Variants in GABRB2 observed in about 807,000 individuals in gnomAD.
GABRB2 encodes the protein gamma-aminobutyric acid type A receptor subunit beta2, also known as gamma-aminobutyric acid receptor subunit beta-2.
Under a neutral mutation model 54.7 loss-of-function variants are expected in GABRB2, and 16 were observed. That is an observed-to-expected ratio of 0.29 (90% CI 0.20 to 0.44). GABRB2 has a LOEUF of 0.44. GABRB2 is among the 20% of genes least tolerant of loss of function. The pLI is 1.00. For synonymous variants in GABRB2, 244 were observed against 233.8 expected, an observed-to-expected ratio of 1.04 and a Z score of -0.40; for missense variants, 355 against 644.0, an observed-to-expected ratio of 0.55 and a Z score of 4.86.
chr5:161,300,592 G>T (rs551603536), intron 9 of GABRB2, among the ~76,000 whole-genome samples: 1 of 152,206 alleles, frequency 6.6e-6, no homozygotes, highest in Non-Finnish European at 1.5e-5. Flanking sequence ...GACTCAGGTA[G>T]TGGTTTGGTG....
intron 1 of GABRB2, 55 bp from the exon 2 acceptor site, chr5:161,546,468 T>C: frequency 6.3e-7 from 1 of 1,581,526 alleles, no homozygotes; most frequent in Non-Finnish European, 8.7e-7. Context: ...GCATAGCGTT[T>C]TCAGCATCGG....
In GABRB2 at chr5:161,363,792, A is replaced by T. The variant is rs572491033; in HGVS notation, c.542-27023T>A. 5.9e-5 allele frequency among the ~76,000 whole-genome samples: 9 copies of T among 152,386 alleles called. No individual in the cohort carries two copies. In the East Asian group the frequency reaches 1.7e-3, roughly 29 times the overall value. On this transcript the variant is annotated intron_variant, in intron 5 of 9. Transcript: ENST00000393959. ...ACTATATTTACAAATAAGGCTGGAT[A>T]GAACATTAGGAACAGTTAGTTTCCT...
At chr5:161,482,716 A>G (rs1758800880) in intron 3 of GABRB2, among the ~76,000 whole-genome samples, 1 of 152,118 alleles carries the variant, frequency 6.6e-6, no homozygotes, top group African/African-American at 2.4e-5. Flanking sequence ...CCATAGATGA[A>G]GTCTGCTATA....
At chr5:161,507,931 A>G (rs931165079) in intron 3 of GABRB2, among the ~76,000 whole-genome samples, 2 of 152,036 alleles carry the variant, frequency 1.3e-5, no homozygotes, top group South Asian at 2.1e-4. Context: ...CATTTTGAAG[A>G]ACAGTTTGGC....
intron 3 of GABRB2, among the ~76,000 whole-genome samples, chr5:161,544,813 C>T (rs1403122276): frequency 6.6e-6 from 1 of 152,026 alleles, no homozygotes; most frequent in Non-Finnish European, 1.5e-5. Flanking sequence ...ATTCCAGGGC[C>T]TTTATTAGTT....
At position 161,525,284 on chromosome 5, in the gene GABRB2, A is replaced by T. The variant is rs181119431; in HGVS notation, c.237+19943T>A. Among the ~76,000 whole-genome samples the T allele has an allele frequency of 1.4e-3, 219 of 151,512 alleles. 1 individual carries two copies. Among genetic ancestry groups the T allele is most frequent in the African/African-American group, 5.1e-3 (210 of 41,492 alleles). On this transcript the variant is annotated intron_variant, in intron 3 of 9. Coordinates refer to ENST00000393959, the MANE Select transcript of GABRB2 (RefSeq NM_001371727.1). ...CACGAGTTAAATAGAGATAAGCATG[A>T]TCATCAAGATCATTGTTCCCTGAAT...
At chr5:161,479,878 G>T (rs529921995) in intron 3 of GABRB2, among the ~76,000 whole-genome samples, 2 of 151,934 alleles carry the variant, frequency 1.3e-5, no homozygotes, top group African/African-American at 4.8e-5. Context: ...GTGAGTCACC[G>T]CACCCAGCTG....
At chr5:161,484,126 A>G (rs1298416848) in intron 3 of GABRB2, among the ~76,000 whole-genome samples, 1 of 151,948 alleles carries the variant, frequency 6.6e-6, no homozygotes. Flanking sequence ...TCTGATTGAC[A>G]CTATGCCTAT....
intron 9 of GABRB2, among the ~76,000 whole-genome samples, chr5:161,324,699 GTTATTT>G (rs1413084472): frequency 1.3e-5 from 2 of 152,122 alleles, no homozygotes; most frequent in African/African-American, 4.8e-5. Flanking sequence ...TAGAAAGCTT[GTTATTT>G]GAACTTTCAA....
intron 3 of GABRB2, among the ~76,000 whole-genome samples, chr5:161,477,424 T>C (rs1335412466): frequency 6.6e-6 from 1 of 151,806 alleles, no homozygotes; most frequent in Non-Finnish European, 1.5e-5. Flanking sequence ...AAAAATAGAA[T>C]TGCTATACAA....
intron 4 of GABRB2, among the ~76,000 whole-genome samples, chr5:161,439,125 G>A (rs1757390060): frequency 6.6e-6 from 1 of 152,010 alleles, no homozygotes; most frequent in Non-Finnish European, 1.5e-5. Context: ...CAAAGGTCAA[G>A]GATAAATAAA....
At chr5:161,456,336 GACCTAATAATGC>G (rs1488592442) in intron 4 of GABRB2, among the ~76,000 whole-genome samples, 6 of 152,120 alleles carry the variant, frequency 3.9e-5, no homozygotes, top group Non-Finnish European at 7.4e-5. Context: ...TGAACCACAG[GACCTAATAATGC>G]ACCTTTCATA....
At chr5:161,490,753 A>G in intron 3 of GABRB2, among the ~76,000 whole-genome samples, 1 of 151,892 alleles carries the variant, frequency 6.6e-6, no homozygotes, top group East Asian at 1.9e-4. Flanking sequence ...GGAGTTAATA[A>G]AAACACGTAA....
intron 3 of GABRB2, among the ~76,000 whole-genome samples, chr5:161,495,328 A>T (rs192509697): frequency 6.6e-6 from 1 of 152,170 alleles, no homozygotes; most frequent in African/African-American, 2.4e-5. Flanking sequence ...TAACAATAAT[A>T]TACAAAAAAT....
chr5:161,506,043 T>C (rs1759595976), intron 3 of GABRB2, among the ~76,000 whole-genome samples: 3 of 152,018 alleles, frequency 2.0e-5, no homozygotes. Context: ...TGTGTATATA[T>C]ATATATGTAT....
intron 5 of GABRB2, among the ~76,000 whole-genome samples, chr5:161,371,719 G>T (rs895542867): frequency 6.6e-6 from 1 of 151,820 alleles, no homozygotes; most frequent in Non-Finnish European, 1.5e-5. Flanking sequence ...AAAAATGTTG[G>T]GGTTTTTTTT....
At chr5:161,422,787 T>C (rs772780910) in intron 4 of GABRB2, among the ~76,000 whole-genome samples, 5 of 152,162 alleles carry the variant, frequency 3.3e-5, no homozygotes, top group Non-Finnish European at 5.9e-5. Flanking sequence ...TAACATTCCA[T>C]GGGTTGTAAA....
At chr5:161,471,320 T>C (rs1758432205) in intron 3 of GABRB2, among the ~76,000 whole-genome samples, 1 of 152,112 alleles carries the variant, frequency 6.6e-6, no homozygotes, top group South Asian at 2.1e-4. Context: ...CAGATCCAAT[T>C]ATAGGTCATG....
intron 3 of GABRB2, among the ~76,000 whole-genome samples, chr5:161,461,132 C>A (rs541912959): frequency 1.3e-5 from 2 of 152,262 alleles, no homozygotes; most frequent in African/African-American, 4.8e-5. Context: ...TACAAAGTGG[C>A]TAACTTATTA....
Sources: gnomAD v4.1 joint callset for allele counts (sites outside exome capture counted in the v4.1 genomes callset) on GRCh38, gnomAD v4.1.1 for gene constraint, MANE v1.5 for transcripts, NCBI Gene and HGNC (gene_info 2026-07-23, HGNC 2026-07-21) for gene names.